ARID2: variants seen among roughly 807,000 people sequenced by gnomAD.
The protein encoded by ARID2 is AT-rich interaction domain 2, also known as AT-rich interactive domain-containing protein 2.
A neutral mutation model predicts 184.6 loss-of-function variants in ARID2; 32 were observed. The ratio of observed to expected loss-of-function variants is 0.17; its 90% CI spans 0.13 to 0.23. The LOEUF (loss-of-function observed/expected upper bound fraction) is 0.23, where lower values mean the gene tolerates loss of function less well. Among genes scored for constraint, ARID2 ranks in the 10% least tolerant of loss-of-function variants. The pLI is 1.00. For synonymous variants in ARID2, 836 were observed against 772.6 expected, an observed-to-expected ratio of 1.08 and a Z score of -1.36; for missense variants, 1,696 against 2,197.6, an observed-to-expected ratio of 0.77 and a Z score of 4.56.
chr12:45,895,246 A>G (rs1181565071), intron 20 of ARID2, among the ~76,000 whole-genome samples: 1 of 152,200 alleles, frequency 6.6e-6, no homozygotes, highest in Admixed American at 6.5e-5. Context: ...TGCCCAACAC[A>G]TTATAACCTC....
At chr12:45,867,508 C>T (rs1378700002) in intron 16 of ARID2, among the ~76,000 whole-genome samples, 3 of 151,032 alleles carry the variant, frequency 2.0e-5, no homozygotes, top group South Asian at 2.1e-4. Flanking sequence ...TTTGGGAGGC[C>T]GAGGCGGGCT....
At chr12:45,843,264 A>G (rs1338966966) in intron 11 of ARID2, among the ~76,000 whole-genome samples, 1 of 149,976 alleles carries the variant, frequency 6.7e-6, no homozygotes, top group Admixed American at 6.6e-5. Context: ...AAGTTTTAGC[A>G]CAGTGGTTCT....
rs375245783 is a variant in ARID2, at chr12:45,834,487, A to G, written c.706-2102A>G. ...GTGGCTCACGCCTGTAATCCCATGT[A>G]ATCCCAGCACTTTGGGAGGCCGAGA... On this transcript the variant is annotated intron_variant, in intron 6 of 20. Transcript: ENST00000334344. Among the ~76,000 whole-genome samples, 344 of 152,302 alleles carry G rather than the reference A, an allele frequency of 2.3e-3. 12 individuals carry two copies. In the South Asian group the frequency reaches 0.067, roughly 30 times the overall value.
chr12:45,861,236 G>T (rs762036218), intron 16 of ARID2, among the ~76,000 whole-genome samples: 1 of 152,076 alleles, frequency 6.6e-6, no homozygotes, highest in Non-Finnish European at 1.5e-5. Context: ...ATATTTGGCT[G>T]TTAAAAGCTT....
chr12:45,839,507 T>C lies in ARID2; in HGVS notation c.1498+11T>C, dbSNP rs1257094065. 1 of 1,603,486 alleles carries C rather than the reference T, an allele frequency of 6.2e-7. No individual in the cohort carries two copies. The highest frequency in any genetic ancestry group is 8.5e-7 in the Non-Finnish European group (1 of 1,176,406). On this transcript the variant is annotated intron_variant, in intron 11 of 20. Transcript: ENST00000334344. ...TAGCATCTGCCCCAGGTTAGTGTTT[T>C]CACATATTCTTTTTCAGTGTGGTTA...
intron 3 of ARID2, among the ~76,000 whole-genome samples, chr12:45,787,582 A>G (rs769932515): frequency 5.9e-5 from 9 of 152,162 alleles, no homozygotes; most frequent in Non-Finnish European, 1.2e-4. Flanking sequence ...CCATAAATAT[A>G]TACAACATTT....
chr12:45,798,884 A>G (rs1942441822), intron 3 of ARID2, among the ~76,000 whole-genome samples: 1 of 151,882 alleles, frequency 6.6e-6, no homozygotes, highest in Non-Finnish European at 1.5e-5. Flanking sequence ...GTTTTCCTCT[A>G]GAAATCTCTT....
rs1200105263 is a variant in ARID2 at position 45,852,915 on chromosome 12, A to C, written c.4773+19A>C. ...CCCGCAGGTAAGTTATTCCATGATC[A>C]CATTTCTCTTATGAAATTTCTGATC... is the stretch of plus-strand genomic sequence containing the variant. On this transcript the variant is annotated intron_variant, in intron 15 of 20. Transcript: ENST00000334344. 7 of 1,529,658 alleles carry C rather than the reference A, an allele frequency of 4.6e-6. No homozygotes were observed. The highest frequency in any genetic ancestry group is 1.4e-5 in the African/African-American group (1 of 72,308). The allele number at this position is 1,529,658 out of a possible 1,614,324, so 94.8% of individuals were successfully genotyped here.
At chr12:45,800,638 A>T (rs1942480189) in intron 3 of ARID2, among the ~76,000 whole-genome samples, 1 of 102,994 alleles carries the variant, frequency 9.7e-6, no homozygotes, top group African/African-American at 6.3e-5. Context: ...TCTAAATACC[A>T]TTCATCACTG....
In ARID2 at chr12:45,817,638, G is replaced by A; in HGVS notation, c.419-32G>A. 4 of 1,540,140 alleles carry A rather than the reference G, an allele frequency of 2.6e-6. 1 individual carries two copies. In the South Asian group the frequency reaches 4.7e-5, roughly 18 times the overall value. On this transcript the variant is annotated intron_variant, in intron 4 of 20. Coordinates refer to ENST00000334344, the MANE Select transcript of ARID2 (RefSeq NM_152641.4). Reference sequence around the variant, plus strand: ...TTCACCATAAAGGTATCTGATCTTTGATATACTTAAGGTATTTTTTTTCTT... The same window carrying A: ...TTCACCATAAAGGTATCTGATCTTTAATATACTTAAGGTATTTTTTTTCTT...
intron 20 of ARID2, among the ~76,000 whole-genome samples, chr12:45,897,059 G>A (rs546078471): frequency 1.6e-4 from 24 of 152,278 alleles, no homozygotes; most frequent in South Asian, 6.2e-4. Context: ...TCAAAACAGC[G>A]TGGTACTGGC....
intron 3 of ARID2, among the ~76,000 whole-genome samples, chr12:45,772,147 A>G (rs941363208): frequency 3.3e-5 from 5 of 152,242 alleles, no homozygotes; most frequent in African/African-American, 1.2e-4. Context: ...ACATTAGGAA[A>G]TATTGATGTA....
chr12:45,851,842 A>G lies in ARID2; in HGVS notation c.3719A>G (p.Asp1240Gly). 6.2e-7 allele frequency: 1 copy of G among 1,614,182 alleles called. No individual in the cohort carries two copies. Among genetic ancestry groups the G allele is most frequent in the East Asian group, 2.2e-5 (1 of 44,872 alleles). ...CTTATPPFKG[D>G]KIICQKEEEA... ...ACTGCTACTCCCCCATTCAAAGGTGATAAAATAATTTGCCAAAAGGAGGAG... is the reference window on the plus strand; with the variant it reads ...ACTGCTACTCCCCCATTCAAAGGTGGTAAAATAATTTGCCAAAAGGAGGAG... The change falls in exon 15 of 21, where the codon GAT becomes GGT. Residue 1240 changes from aspartate to glycine, a missense_variant. Physicochemically the swap from Asp to Gly is moderately conservative, Grantham distance 94. This residue lies in a region of ARID2 where 428 missense variants were observed against 409.1 expected (regional missense o/e 1.05). Transcript: ENST00000334344.
chr12:45,772,824 T>C (rs931992750), intron 3 of ARID2, among the ~76,000 whole-genome samples: 5 of 152,192 alleles, frequency 3.3e-5, no homozygotes, highest in African/African-American at 1.2e-4. Context: ...AATACCCCTC[T>C]TTCATTAACG....
At chr12:45,815,622 T>TG (rs1439840146) in intron 4 of ARID2, among the ~76,000 whole-genome samples, 21 of 151,830 alleles carry the variant, frequency 1.4e-4, no homozygotes, top group African/African-American at 2.2e-4. Flanking sequence ...TGTGTGTGTG[T>TG]TTTTAACTTT....
At chr12:45,880,325 T>G (rs1279663507) in intron 16 of ARID2, among the ~76,000 whole-genome samples, 1 of 152,194 alleles carries the variant, frequency 6.6e-6, no homozygotes, top group Non-Finnish European at 1.5e-5. Context: ...GTGTGAAAAC[T>G]TGTCTGTCTA....
At chr12:45,746,132 C>G (rs561658913) in intron 3 of ARID2, among the ~76,000 whole-genome samples, 4 of 146,094 alleles carry the variant, frequency 2.7e-5, no homozygotes, top group Non-Finnish European at 4.5e-5. Flanking sequence ...GAGACAGGAT[C>G]TTGCTCTGCC....
In ARID2 at chr12:45,811,457, G is replaced by GGAT. The variant is rs746854058; in HGVS notation, c.333_335dup (p.Asp111dup). 4 of 1,613,244 alleles carry GGAT rather than the reference G, an allele frequency of 2.5e-6. No homozygotes were observed. The highest frequency in any genetic ancestry group is 3.4e-6 in the Non-Finnish European group (4 of 1,179,452). Reference sequence around the variant, plus strand: ...ACGAGAAAGTTCATCATTTTGGGGAGGATGATGATGAGGTACCACCAGGCA... The same window carrying GGAT: ...ACGAGAAAGTTCATCATTTTGGGGAGGATGATGATGATGAGGTACCACCAGGCA... On this transcript the variant is annotated inframe_insertion, in exon 4 of 21. Coordinates refer to ENST00000334344, the MANE Select transcript of ARID2 (RefSeq NM_152641.4).
chr12:45,756,388 CTTATT>C (rs964092155), intron 3 of ARID2, among the ~76,000 whole-genome samples: 3 of 152,228 alleles, frequency 2.0e-5, no homozygotes, highest in African/African-American at 7.2e-5. Context: ...TACTTAGAAT[CTTATT>C]TTAACATTAA....
Sources: allele counts gnomAD v4.1 joint callset (sites outside exome capture counted in the v4.1 genomes callset), GRCh38; gene constraint gnomAD v4.1.1; regional missense constraint gnomAD v4.1.1; transcripts MANE v1.5; gene names NCBI Gene and HGNC (gene_info 2026-07-23, HGNC 2026-07-21).